PPM1E: variants seen among roughly 807,000 people sequenced by gnomAD.
PPM1E encodes protein phosphatase, Mg2+/Mn2+ dependent 1E.
Under a neutral mutation model 65.9 loss-of-function variants are expected in PPM1E, and 20 were observed. The ratio of observed to expected loss-of-function variants is 0.30; its 90% CI spans 0.21 to 0.44. The LOEUF (loss-of-function observed/expected upper bound fraction) is 0.44. Among genes scored for constraint, PPM1E ranks in the 20% least tolerant of loss-of-function variants. The pLI, the probability that PPM1E is intolerant of heterozygous loss-of-function variation, is 1.00. For missense variants in PPM1E, 713 were observed against 953.1 expected (o/e 0.75, Z 3.32); for synonymous variants, 352 against 374.9 (o/e 0.94, Z 0.70).
At chr17:58,814,786 T>C (rs2050400188) in intron 1 of PPM1E, among the ~76,000 whole-genome samples, 1 of 152,214 alleles carries the variant, frequency 6.6e-6, no homozygotes, top group Non-Finnish European at 1.5e-5. Flanking sequence ...CCATAGGCAA[T>C]ATGTAAACAA....
intron 1 of PPM1E, among the ~76,000 whole-genome samples, chr17:58,936,230 GA>G (rs2051978754): frequency 6.6e-6 from 1 of 152,114 alleles, no homozygotes; most frequent in Non-Finnish European, 1.5e-5. Context: ...AGTCCACTAA[GA>G]AAAAGAATAC....
At chr17:58,794,625 T>G (rs2050188715) in intron 1 of PPM1E, among the ~76,000 whole-genome samples, 1 of 152,116 alleles carries the variant, frequency 6.6e-6, no homozygotes, top group African/African-American at 2.4e-5. Context: ...CATGTGTACT[T>G]GATGTTTAAC....
At chr17:58,820,290 G>A (rs781188778) in intron 1 of PPM1E, among the ~76,000 whole-genome samples, 26 of 152,114 alleles carry the variant, frequency 1.7e-4, no homozygotes, top group Non-Finnish European at 3.7e-4. Context: ...TTTTATATCA[G>A]ACAGACCTGG....
chr17:58,909,953 A>C (rs1243845942), intron 1 of PPM1E, among the ~76,000 whole-genome samples: 2 of 94,120 alleles, frequency 2.1e-5, no homozygotes, highest in Non-Finnish European at 3.8e-5. Flanking sequence ...TTGAGACTGG[A>C]GTGCAGTGGT....
intron 1 of PPM1E, among the ~76,000 whole-genome samples, chr17:58,876,357 A>C (rs1205641738): frequency 6.6e-6 from 1 of 152,148 alleles, no homozygotes; most frequent in Non-Finnish European, 1.5e-5. Context: ...TTTTATCAGT[A>C]GGTTAGGAAG....
chr17:58,796,941 A>G (rs1313379401), intron 1 of PPM1E, among the ~76,000 whole-genome samples: 8 of 152,116 alleles, frequency 5.3e-5, no homozygotes, highest in Non-Finnish European at 1.5e-5. Flanking sequence ...CCCCGTCTCT[A>G]CTAAAAATAC....
chr17:58,781,880 C>T (rs1017720974), intron 1 of PPM1E, among the ~76,000 whole-genome samples: 10 of 151,118 alleles, frequency 6.6e-5, no homozygotes, highest in East Asian at 3.9e-4. Flanking sequence ...AGCAAGACTC[C>T]GTCTCAAAAG....
chr17:58,761,931 C>T (rs1020206360), intron 1 of PPM1E, among the ~76,000 whole-genome samples: 5 of 152,104 alleles, frequency 3.3e-5, no homozygotes, highest in African/African-American at 9.7e-5. Flanking sequence ...GTATAACATA[C>T]GAAATTAAGT....
chr17:58,927,780 C>G (rs998361420), intron 1 of PPM1E, among the ~76,000 whole-genome samples: 1 of 151,968 alleles, frequency 6.6e-6, no homozygotes, highest in Non-Finnish European at 1.5e-5. Flanking sequence ...GCCAGGCGGC[C>G]GGGCCCGGTG....
At chr17:58,897,274 C>T (rs1024701528) in intron 1 of PPM1E, among the ~76,000 whole-genome samples, 1 of 151,954 alleles carries the variant, frequency 6.6e-6, no homozygotes, top group African/African-American at 2.4e-5. Context: ...ATTAGCCGGG[C>T]ATGGTGGTGG....
At position 58,838,828 on chromosome 17, in the gene PPM1E, A is replaced by G. The variant is rs114371990; in HGVS notation, c.464+82367A>G. On this transcript the variant is annotated intron_variant, in intron 1 of 6. Transcript: ENST00000308249. ...AACCAAACTATTGTGATACATTCAT[A>G]CAATGGAATGTTATTAAGCGATCAA... Among the ~76,000 whole-genome samples, 263 of 152,346 alleles carry G rather than the reference A, an allele frequency of 1.7e-3. 1 individual carries two copies. The highest frequency in any genetic ancestry group is 5.9e-3 in the African/African-American group (246 of 41,590).
intron 1 of PPM1E, among the ~76,000 whole-genome samples, chr17:58,851,483 T>C (rs973649858): frequency 6.6e-6 from 1 of 151,722 alleles, no homozygotes; most frequent in Non-Finnish European, 1.5e-5. Flanking sequence ...TTGTGTTTGT[T>C]AGTTTTCCTT....
chr17:58,865,114 G>T (rs911859619), intron 1 of PPM1E, among the ~76,000 whole-genome samples: 4 of 151,080 alleles, frequency 2.6e-5, no homozygotes, highest in African/African-American at 4.9e-5. Context: ...CCTGGGCCAG[G>T]TGCCGTGGCT....
At chr17:58,792,557 G>A (rs2050165955) in intron 1 of PPM1E, among the ~76,000 whole-genome samples, 1 of 150,898 alleles carries the variant, frequency 6.6e-6, no homozygotes, top group African/African-American at 2.4e-5. Context: ...GCCCAGGCTG[G>A]TCTTGAACTT....
In PPM1E at chr17:58,980,774, C is replaced by T. The variant is rs146379787; in HGVS notation, c.2011C>T (p.Arg671Cys). ...GNRVSRLSHL[R>C]HHYSKKWHRF... ...CAGAGTTTCTAGATTGTCTCATTTA[C>T]GCCACCACTACTCAAAGAAGTGGCA... The change falls in exon 7 of 7, where the codon CGC becomes TGC. Residue 671 changes from arginine (R) to cysteine (C), a missense_variant. Transcript: ENST00000308249. This position sits in a 1 kb window ranked among gnomAD's most constrained non-coding sequence, Gnocchi z 4.7. 2.0e-5 allele frequency: 33 copies of T among 1,614,014 alleles called. No individual in the cohort carries two copies. The highest frequency in any genetic ancestry group is 2.0e-4 in the East Asian group (9 of 44,898).
chr17:58,804,770 A>T (rs1163621521), intron 1 of PPM1E, among the ~76,000 whole-genome samples: 1 of 152,018 alleles, frequency 6.6e-6, no homozygotes, highest in African/African-American at 2.4e-5. Flanking sequence ...GATATATAAC[A>T]TTTTACTTAT....
At chr17:58,871,677 G>A (rs921272636) in intron 1 of PPM1E, among the ~76,000 whole-genome samples, 19 of 151,932 alleles carry the variant, frequency 1.3e-4, no homozygotes, top group African/African-American at 4.4e-4. Flanking sequence ...TTAGCCAGGT[G>A]TGGGGACGCA....
intron 1 of PPM1E, among the ~76,000 whole-genome samples, chr17:58,828,319 CCTTTT>C (rs1168821339): frequency 6.6e-6 from 1 of 151,800 alleles, no homozygotes; most frequent in Non-Finnish European, 1.5e-5. Context: ...AGTCTCTTAC[CCTTTT>C]CTTCTTCATT....
intron 1 of PPM1E, among the ~76,000 whole-genome samples, chr17:58,795,573 G>A (rs753481245): frequency 3.3e-5 from 5 of 151,904 alleles, no homozygotes; most frequent in African/African-American, 4.8e-5. Flanking sequence ...ATGTGGTGGC[G>A]CACGCCTGTG....
Sources: allele counts gnomAD v4.1 joint callset (sites outside exome capture counted in the v4.1 genomes callset), GRCh38; gene constraint gnomAD v4.1.1; non-coding constraint Gnocchi (gnomAD v3.1); transcripts MANE v1.5; gene names NCBI Gene and HGNC (gene_info 2026-07-23, HGNC 2026-07-21).